KCNH5: variants seen among roughly 807,000 people sequenced by gnomAD.
KCNH5 encodes the protein voltage-gated delayed rectifier potassium channel KCNH5.
A neutral mutation model predicts 96.1 loss-of-function variants in KCNH5; 46 were observed. The observed-to-expected ratio is 0.48, with a 90% CI of 0.38 to 0.61. KCNH5 has a LOEUF of 0.61. Among genes scored for constraint, KCNH5 ranks in the 20% least tolerant of loss-of-function variants. The pLI, the probability that KCNH5 is intolerant of heterozygous loss-of-function variation, is 0.00. For missense variants in KCNH5, 907 were observed against 1,225.8 expected (o/e 0.74, Z 3.88); for synonymous variants, 439 against 449.8 (o/e 0.98, Z 0.30).
chr14:62,766,864 T>C (rs1462643508), intron 10 of KCNH5, among the ~76,000 whole-genome samples: 1 of 152,136 alleles, frequency 6.6e-6, no homozygotes, highest in Non-Finnish European at 1.5e-5. Flanking sequence ...GGATGAATAC[T>C]TGAGGGGATG....
intron 7 of KCNH5, among the ~76,000 whole-genome samples, chr14:62,891,556 G>C (rs1020986938): frequency 6.0e-5 from 9 of 150,888 alleles, no homozygotes; most frequent in African/African-American, 2.2e-4. Flanking sequence ...AAACCTAAAA[G>C]TTAAAAAAAA....
intron 8 of KCNH5, among the ~76,000 whole-genome samples, chr14:62,816,117 T>A (rs1040935101): frequency 2.0e-5 from 3 of 151,928 alleles, no homozygotes; most frequent in Non-Finnish European, 4.4e-5. Context: ...AAATCAAGTA[T>A]ATATAAAATA....
chr14:62,825,103 T>C (rs1168818768), intron 8 of KCNH5, among the ~76,000 whole-genome samples: 2 of 152,056 alleles, frequency 1.3e-5, no homozygotes, highest in African/African-American at 4.8e-5. Flanking sequence ...AACGATTTGT[T>C]TTCTTTTGCA....
chr14:62,932,386 C>A (rs1302830014), intron 7 of KCNH5, among the ~76,000 whole-genome samples: 12 of 146,072 alleles, frequency 8.2e-5, no homozygotes, highest in Admixed American at 6.8e-4. Context: ...AACAAAAACT[C>A]AAAAGAAGGA....
chr14:62,851,697 T>C (rs1301494994), intron 7 of KCNH5, among the ~76,000 whole-genome samples: 1 of 152,092 alleles, frequency 6.6e-6, no homozygotes, highest in Non-Finnish European at 1.5e-5. Context: ...ATTTAGGGGT[T>C]AATGAAATAA....
chr14:62,818,604 T>C (rs999387336), intron 8 of KCNH5, among the ~76,000 whole-genome samples: 1 of 152,114 alleles, frequency 6.6e-6, no homozygotes, highest in East Asian at 1.9e-4. Flanking sequence ...CAAAACTCTT[T>C]GGTAATTTTC....
chr14:62,773,459 T>C (rs1039224910), intron 10 of KCNH5, among the ~76,000 whole-genome samples: 1 of 152,128 alleles, frequency 6.6e-6, no homozygotes, highest in African/African-American at 2.4e-5. Context: ...ACTCATGATC[T>C]CTCACTAGAC....
chr14:63,032,940 C>T (rs1054011473), intron 1 of KCNH5, among the ~76,000 whole-genome samples: 1 of 152,274 alleles, frequency 6.6e-6, no homozygotes, highest in East Asian at 1.9e-4. Flanking sequence ...TCCATCTGCA[C>T]GCAAATGCTT....
At chr14:62,986,291 A>C (rs184585326) in intron 5 of KCNH5, among the ~76,000 whole-genome samples, 88 of 152,258 alleles carry the variant, frequency 5.8e-4, no homozygotes, top group Admixed American at 1.5e-3. Context: ...GAAATTGCAA[A>C]AGAAACCAAT....
rs905643586 is a variant in KCNH5 at position 62,802,697 on chromosome 14, C to G, written c.1570-116G>C. 5.5e-6 allele frequency: 7 copies of G among 1,263,636 alleles called. No individual in the cohort carries two copies. The Admixed American group carries it at 1.4e-4, about 25-fold the overall frequency. The allele number at this position is 1,263,636 out of a possible 1,614,324, so 78.3% of individuals were successfully genotyped here. A position where few individuals can be genotyped will look rare whatever the true frequency, so the allele number is the denominator to read the frequency against. The stretch of plus-strand genomic sequence containing the variant: ...ACTATGTCTGCTACACTGCTACACA[C>G]CTTGCTGGGTACTGGGAAGGCAAAG... On this transcript the variant is annotated intron_variant, in intron 8 of 10. Transcript: ENST00000322893.
At chr14:62,905,154 A>T (rs1889002911) in intron 7 of KCNH5, among the ~76,000 whole-genome samples, 3 of 152,230 alleles carry the variant, frequency 2.0e-5, no homozygotes. Context: ...CCAAACAAGT[A>T]GCCCCATCTT....
intron 1 of KCNH5, among the ~76,000 whole-genome samples, chr14:63,038,582 T>C (rs560564504): frequency 1.3e-5 from 2 of 152,272 alleles, no homozygotes; most frequent in South Asian, 4.1e-4. Flanking sequence ...TGCTCATTAA[T>C]TTTCCTCTTT....
At chr14:62,907,188 T>G (rs1889046127) in intron 7 of KCNH5, among the ~76,000 whole-genome samples, 1 of 152,212 alleles carries the variant, frequency 6.6e-6, no homozygotes, top group Non-Finnish European at 1.5e-5. Context: ...GATGTTGGCT[T>G]GGATGTGGAA....
At chr14:63,018,280 G>A (rs922270227) in intron 1 of KCNH5, among the ~76,000 whole-genome samples, 1 of 151,860 alleles carries the variant, frequency 6.6e-6, no homozygotes, top group South Asian at 2.1e-4. Flanking sequence ...TGTCTTACAA[G>A]TCTAAGGAGT....
At chr14:62,813,819 C>T (rs759606837) in intron 8 of KCNH5, among the ~76,000 whole-genome samples, 13 of 152,110 alleles carry the variant, frequency 8.5e-5, no homozygotes, top group Non-Finnish European at 1.5e-4. Flanking sequence ...GCTTAAGTAG[C>T]TCTTTACAGG....
chr14:62,965,584 C>A (rs976779696), intron 6 of KCNH5, among the ~76,000 whole-genome samples: 4 of 152,084 alleles, frequency 2.6e-5, no homozygotes, highest in Non-Finnish European at 5.9e-5. Flanking sequence ...ATAAATTACC[C>A]AGCCTCAGGC....
intron 10 of KCNH5, among the ~76,000 whole-genome samples, chr14:62,732,511 C>T (rs546469567): frequency 5.0e-4 from 76 of 151,884 alleles, no homozygotes; most frequent in African/African-American, 1.8e-3. Flanking sequence ...TCACAAAAGT[C>T]AAAACTCAAT....
chr14:62,720,836 T>C (rs1043435779), intron 10 of KCNH5, among the ~76,000 whole-genome samples: 1 of 152,132 alleles, frequency 6.6e-6, no homozygotes, highest in Admixed American at 6.5e-5. Flanking sequence ...GCCTATAAAC[T>C]AGAAAGACAA....
chr14:62,793,448 T>C (rs1190315125), intron 9 of KCNH5, among the ~76,000 whole-genome samples: 1 of 151,748 alleles, frequency 6.6e-6, no homozygotes. Context: ...TATTTGTGTA[T>C]CAATTATACC....
Sources: gnomAD v4.1 joint callset for allele counts (sites outside exome capture counted in the v4.1 genomes callset) on GRCh38, gnomAD v4.1.1 for gene constraint, MANE v1.5 for transcripts, NCBI Gene and HGNC (gene_info 2026-07-23, HGNC 2026-07-21) for gene names.